MARCHF5: variants seen among roughly 807,000 people sequenced by gnomAD.
MARCHF5 encodes the protein E3 ubiquitin-protein ligase MARCHF5.
Under a neutral mutation model 36.5 loss-of-function variants are expected in MARCHF5, and 5 were observed. The ratio of observed to expected loss-of-function variants is 0.14; its 90% CI spans 0.07 to 0.29. The LOEUF (loss-of-function observed/expected upper bound fraction) is 0.29, where lower values mean the gene tolerates loss of function less well. Among genes scored for constraint, MARCHF5 ranks in the 10% least tolerant of loss-of-function variants. The pLI is 1.00. For missense variants in MARCHF5, 179 were observed against 336.3 expected (o/e 0.53, Z 3.66); for synonymous variants, 103 against 109.9 (o/e 0.94, Z 0.39).
intron 2 of MARCHF5, among the ~76,000 whole-genome samples, chr10:92,331,865 GT>G (rs1261874359): frequency 7.4e-5 from 9 of 122,074 alleles, no homozygotes; most frequent in African/African-American, 2.4e-4. Flanking sequence ...TCATATATAT[GT>G]TTTTATATAT....
chr10:92,333,645 T>C (rs911918637), intron 2 of MARCHF5: 6 of 984,782 alleles, frequency 6.1e-6, no homozygotes, highest in Non-Finnish European at 7.2e-6. Flanking sequence ...TTTTGTGGGG[T>C]AGTATGTAAA....
chr10:92,333,100 C>T (rs1035974438), intron 2 of MARCHF5, among the ~76,000 whole-genome samples: 2 of 148,822 alleles, frequency 1.3e-5, no homozygotes, highest in East Asian at 4.0e-4. Context: ...GCGGAGGATG[C>T]GGTGAGCCAA....
At chr10:92,295,961 C>T (rs560005233) in intron 1 of MARCHF5, among the ~76,000 whole-genome samples, 22 of 151,350 alleles carry the variant, frequency 1.5e-4, no homozygotes, top group Non-Finnish European at 2.5e-4. Context: ...CCACAACCTC[C>T]GCCTCTCGGG....
chr10:92,343,692 C>G (rs1360162523), intron 3 of MARCHF5, among the ~76,000 whole-genome samples: 2 of 152,216 alleles, frequency 1.3e-5, no homozygotes, highest in Admixed American at 6.5e-5. Flanking sequence ...GCCTCAGCCT[C>G]CCGAGTAGCT....
At chr10:92,304,010 G>A (rs1843045268) in intron 1 of MARCHF5, among the ~76,000 whole-genome samples, 1 of 152,082 alleles carries the variant, frequency 6.6e-6, no homozygotes, top group Admixed American at 6.5e-5. Context: ...GCAAGTAGGT[G>A]GCATTTAGAA....
intron 2 of MARCHF5, among the ~76,000 whole-genome samples, chr10:92,318,568 A>G (rs1274604749): frequency 6.6e-6 from 1 of 151,934 alleles, no homozygotes; most frequent in Non-Finnish European, 1.5e-5. Flanking sequence ...AAAAAAATAC[A>G]GAAAATTAGC....
At chr10:92,350,746 A>G (rs185710346) in intron 5 of MARCHF5, among the ~76,000 whole-genome samples, 1 of 152,332 alleles carries the variant, frequency 6.6e-6, no homozygotes, top group Non-Finnish European at 1.5e-5. Context: ...TGAGTTGGTC[A>G]CGATCCCTTT....
intron 2 of MARCHF5, among the ~76,000 whole-genome samples, chr10:92,333,174 A>G (rs1208001411): frequency 1.3e-5 from 2 of 151,862 alleles, no homozygotes; most frequent in Non-Finnish European, 2.9e-5. Context: ...AAAAGAAAAA[A>G]AAAAAAAGAA....
In MARCHF5 at chr10:92,349,675, A is replaced by G. The variant is rs1590671045; in HGVS notation, c.558A>G (p.Ile186Met). The G allele has an allele frequency of 1.2e-6, 2 of 1,613,308 alleles. No homozygotes were observed. Among genetic ancestry groups the G allele is most frequent in the African/African-American group, 1.3e-5 (1 of 74,990 alleles). Residue 186 changes from isoleucine (I) to methionine (M), a missense_variant, in exon 5 of 6, where the codon ATA becomes ATG. By Grantham distance (10) the Ile-to-Met change is conservative. Around this residue, in one of 3 missense-constraint regions of MARCHF5, gnomAD observed 95 missense variants for 139.5 expected, o/e 0.68. Transcript: ENST00000358935. ...CACTGCATTTTTTTCCTCTAGGGAT[A>G]GGTTGTCCTGTTCCTCGAATTCCAG... ...LQILNSIFPGIGCPVPRIPAE... is the reference protein window; with the variant it reads ...LQILNSIFPGMGCPVPRIPAE...
At chr10:92,305,012 T>C (rs575506433) in intron 1 of MARCHF5, among the ~76,000 whole-genome samples, 10 of 152,332 alleles carry the variant, frequency 6.6e-5, no homozygotes, top group Non-Finnish European at 1.3e-4. Flanking sequence ...TAGGAAAAAA[T>C]ACCTTAAGCA....
intron 5 of MARCHF5, chr10:92,350,240 A>G (rs1843701392): frequency 5.5e-6 from 1 of 181,848 alleles, no homozygotes; most frequent in Non-Finnish European, 1.1e-5. Context: ...TATTGTGAGG[A>G]TTGTATAAGT....
At position 92,295,084 on chromosome 10, in the gene MARCHF5, T is replaced by C. The variant is rs541034954; in HGVS notation, c.35+3555T>C. On this transcript the variant is annotated intron_variant, in intron 1 of 5. Transcript: ENST00000358935. ...ATCAATTATTAAACATTTACACTTA[T>C]TGAATTTATTTAACAAATACTGAGT... 8.5e-5 allele frequency among the ~76,000 whole-genome samples: 13 copies of C among 152,294 alleles called. No homozygotes were observed. In the South Asian group the frequency reaches 2.1e-3, roughly 24 times the overall value.
rs56391697 is a variant in MARCHF5 at position 92,322,244 on chromosome 10, CAAAAAAAAAAAAAAAA to C, written c.238+10920_238+10935del. ...GGGCAACAAGAGCGAAACTCCGTCT[CAAAAAAAAAAAAAAAA>C]AAAAAAAAAAAAGATTTGTCAGAGT... On this transcript the variant is annotated intron_variant, in intron 2 of 5. Transcript: ENST00000358935. Among the ~76,000 whole-genome samples the C allele has an allele frequency of 8.9e-3, 248 of 27,770 alleles. 4 individuals carry two copies. Among genetic ancestry groups the C allele is most frequent in the African/African-American group, 0.03 (242 of 7,948 alleles). The allele number at this position is 27,770 out of a possible 152,430, so 18.2% of individuals were successfully genotyped here.
chr10:92,341,582 CTATCAACTTAGT>C (rs1226136109), intron 3 of MARCHF5, among the ~76,000 whole-genome samples: 1 of 152,110 alleles, frequency 6.6e-6, no homozygotes, highest in Non-Finnish European at 1.5e-5. Context: ...AGATTTCCAG[CTATCAACTTAGT>C]TTTTTTGTGT....
Position 92,349,490 on chromosome 10 carries a change from A to G in MARCHF5, c.511A>G (p.Lys171Glu). 6.2e-7 allele frequency: 1 copy of G among 1,613,950 alleles called. No homozygotes were observed. The highest frequency in any genetic ancestry group is 8.5e-7 in the Non-Finnish European group (1 of 1,179,970). The change falls in exon 4 of 6, where the codon AAA (lysine) becomes GAA (glutamate). Residue 171 changes from lysine to glutamate, a missense_variant. By Grantham distance (56) the Lys-to-Glu change is moderately conservative (BLOSUM62 1). Transcript: ENST00000358935. ...GGACTATGTGCTTAGACTGTGGCGCAAATACTCGAATAAACTACAAATTTT... is the reference window on the plus strand; with the variant it reads ...GGACTATGTGCTTAGACTGTGGCGCGAATACTCGAATAAACTACAAATTTT... ...WEDYVLRLWRKYSNKLQILNS... is the reference protein window; with the variant it reads ...WEDYVLRLWREYSNKLQILNS...
chr10:92,344,483 T>C (rs1843618265), intron 3 of MARCHF5, among the ~76,000 whole-genome samples: 1 of 146,586 alleles, frequency 6.8e-6, no homozygotes, highest in South Asian at 2.1e-4. Flanking sequence ...CTTGAAAAGA[T>C]TTTTTTTTTT....
intron 2 of MARCHF5, among the ~76,000 whole-genome samples, chr10:92,322,614 A>ATT (rs763623132): frequency 7.5e-5 from 9 of 119,256 alleles, no homozygotes; most frequent in Non-Finnish European, 9.0e-5. Context: ...TAGTTTTTGT[A>ATT]TTTTTTTTTT....
At chr10:92,313,261 T>C (rs1352124289) in intron 2 of MARCHF5, among the ~76,000 whole-genome samples, 1 of 151,622 alleles carries the variant, frequency 6.6e-6, no homozygotes, top group Non-Finnish European at 1.5e-5. Context: ...AGTAAAACTC[T>C]TTGGTTAAGC....
chr10:92,332,351 G>A (rs1240064948), intron 2 of MARCHF5, among the ~76,000 whole-genome samples: 1 of 151,904 alleles, frequency 6.6e-6, no homozygotes, highest in South Asian at 2.1e-4. Context: ...CATAAAGATG[G>A]TGAAATCTCA....
Sources: allele counts gnomAD v4.1 joint callset (sites outside exome capture counted in the v4.1 genomes callset), GRCh38; gene constraint gnomAD v4.1.1; regional missense constraint gnomAD v4.1.1; transcripts MANE v1.5; gene names NCBI Gene and HGNC (gene_info 2026-07-23, HGNC 2026-07-21).